Variants in ADAM23 observed in about 807,000 individuals in gnomAD.
The protein encoded by ADAM23 is disintegrin and metalloproteinase domain-containing protein 23.
Under a neutral mutation model 120.1 loss-of-function variants are expected in ADAM23, and 33 were observed. That is an observed-to-expected ratio of 0.27 (90% CI 0.21 to 0.37). ADAM23 has a LOEUF of 0.37. Ranked by LOEUF, ADAM23 falls within the 10% of genes least tolerant of loss-of-function variation. The pLI, the probability that ADAM23 is intolerant of heterozygous loss-of-function variation, is 1.00. For synonymous variants in ADAM23, 367 were observed against 375.2 expected, an observed-to-expected ratio of 0.98 and a Z score of 0.25; for missense variants, 862 against 1,058.2, an observed-to-expected ratio of 0.81 and a Z score of 2.57.
intron 25 of ADAM23, among the ~76,000 whole-genome samples, chr2:206,616,113 C>G (rs1698930958): frequency 6.6e-6 from 1 of 152,176 alleles, no homozygotes; most frequent in African/African-American, 2.4e-5. Context: ...TGTTTTTCCT[C>G]CCTGACTCAC....
chr2:206,484,119 G>T (rs1695954651), intron 3 of ADAM23, among the ~76,000 whole-genome samples: 1 of 152,208 alleles, frequency 6.6e-6, no homozygotes, highest in Non-Finnish European at 1.5e-5. Flanking sequence ...CCCAAGGGCA[G>T]AACTTAGTTT....
intron 12 of ADAM23, among the ~76,000 whole-genome samples, chr2:206,561,931 A>G (rs181164478): frequency 2.0e-5 from 3 of 152,310 alleles, no homozygotes; most frequent in African/African-American, 7.2e-5. Flanking sequence ...TTAGTTTGGT[A>G]TAAGTTGAAT....
At chr2:206,597,221 C>A (rs1242441392) in intron 24 of ADAM23, among the ~76,000 whole-genome samples, 4 of 146,182 alleles carry the variant, frequency 2.7e-5, no homozygotes, top group Middle Eastern at 7.2e-3. Context: ...ACTCTGTCGA[C>A]CAGGCTGGAG....
Position 206,468,448 on chromosome 2 carries a change from G to T in ADAM23, c.433-12784G>T, listed in dbSNP as rs1695586159. On this transcript the variant is annotated intron_variant, in intron 2 of 25. Transcript: ENST00000264377. ...GTTCAAAGTTCCATGGATCCCCAAG[G>T]CAGGGGCACAGTCCAGCCAAAGTAT... is the stretch of plus-strand genomic sequence containing the variant. Among the ~76,000 whole-genome samples the T allele has an allele frequency of 2.6e-5, 4 of 152,098 alleles. 1 individual carries two copies. In the South Asian group the frequency reaches 8.3e-4, roughly 32 times the overall value.
chr2:206,530,784 T>G (rs1697043076), intron 3 of ADAM23, 101 bp from the exon 4 acceptor site: 1 of 855,224 alleles, frequency 1.2e-6, no homozygotes, highest in Non-Finnish European at 1.8e-6. Context: ...CTGCAGCTAT[T>G]TCTGGTTTGC....
intron 24 of ADAM23, among the ~76,000 whole-genome samples, chr2:206,602,743 A>G (rs1698662970): frequency 6.6e-6 from 1 of 152,228 alleles, no homozygotes; most frequent in Admixed American, 6.5e-5. Flanking sequence ...GGAATTCTAC[A>G]TATAAAATAG....
At chr2:206,547,280 A>G (rs1423993852) in intron 6 of ADAM23, 149 bp from the exon 7 acceptor site, 5 of 544,640 alleles carry the variant, frequency 9.2e-6, no homozygotes, top group African/African-American at 1.9e-5. Context: ...TAAGATTTCA[A>G]TAAGACATAC....
intron 9 of ADAM23, among the ~76,000 whole-genome samples, chr2:206,551,853 T>C (rs1207954634): frequency 1.3e-5 from 2 of 152,244 alleles, no homozygotes; most frequent in Non-Finnish European, 2.9e-5. Flanking sequence ...CAGTTGCCTT[T>C]AAATATATTG....
At position 206,609,890 on chromosome 2, in the gene ADAM23, C is replaced by T; in HGVS notation, c.2360-20C>T. The T allele has an allele frequency of 6.3e-7, 1 of 1,590,070 alleles. No individual in the cohort carries two copies. The highest frequency in any genetic ancestry group is 8.5e-7 in the Non-Finnish European group (1 of 1,170,386). On this transcript the variant is annotated intron_variant, in intron 24 of 25. Transcript: ENST00000264377. The stretch of plus-strand genomic sequence containing the variant: ...AGTGGTTGGTTCATATGACTCTCTT[C>T]CCATGATCCTTTGTCACAGGTCCTA...
chr2:206,500,409 G>GATA (rs1253226320), intron 3 of ADAM23, among the ~76,000 whole-genome samples: 3 of 152,100 alleles, frequency 2.0e-5, no homozygotes, highest in Admixed American at 6.6e-5. Flanking sequence ...CATGATAATG[G>GATA]ATATTATGTT....
At chr2:206,498,334 A>C (rs898730883) in intron 3 of ADAM23, among the ~76,000 whole-genome samples, 3 of 152,210 alleles carry the variant, frequency 2.0e-5, no homozygotes, top group Admixed American at 2.0e-4. Flanking sequence ...CAGAGCCCTC[A>C]GAAATAATGC....
At chr2:206,562,164 C>T in intron 12 of ADAM23, 39 bp from the exon 13 acceptor site, 1 of 1,555,960 alleles carries the variant, frequency 6.4e-7, no homozygotes, top group Non-Finnish European at 8.9e-7. Flanking sequence ...TGTGCACTCT[C>T]TCAAATGTCT....
At position 206,617,643 on chromosome 2, in the gene ADAM23, T is replaced by G; in HGVS notation, c.*16T>G. On this transcript the variant is annotated 3_prime_UTR_variant, in exon 26 of 26. Transcript: ENST00000264377. The stretch of plus-strand genomic sequence containing the variant: ...CCCCATCTGAATCAGCTGCGCTGGA[T>G]GGACACCGCCTTGCACTGTTGGATT... The G allele has an allele frequency of 6.2e-7, 1 of 1,613,532 alleles. No individual in the cohort carries two copies. Among genetic ancestry groups the G allele is most frequent in the Non-Finnish European group, 8.5e-7 (1 of 1,179,742 alleles).
intron 5 of ADAM23, among the ~76,000 whole-genome samples, 167 bp from the exon 6 acceptor site, chr2:206,543,086 C>T (rs1282215870): frequency 1.3e-5 from 2 of 152,176 alleles, no homozygotes; most frequent in South Asian, 2.1e-4. Flanking sequence ...GTGCTGGGGC[C>T]ACACTGGGAC....
chr2:206,490,685 A>T (rs1297970546), intron 3 of ADAM23, among the ~76,000 whole-genome samples: 1 of 152,108 alleles, frequency 6.6e-6, no homozygotes, highest in Non-Finnish European at 1.5e-5. Context: ...GGTAGGAATG[A>T]GTTGCTATGG....
Position 206,571,789 on chromosome 2 carries a change from G to T in ADAM23, c.1629G>T (p.Gly543=), listed in dbSNP as rs370654304. The part of the protein sequence containing the change: ...SLSNGAHCSD[G]PCCNNTSCLF... Reference sequence around the variant, plus strand: ...CCAACGGGGCTCACTGCAGCGACGGGCCCTGCTGTAACAATACCTCATGTC... The same window carrying T: ...CCAACGGGGCTCACTGCAGCGACGGTCCCTGCTGTAACAATACCTCATGTC... Residue 543 remains glycine, a synonymous_variant, in exon 17 of 26, where the codon GGG becomes GGT. Transcript: ENST00000264377. 138 of 1,613,934 alleles carry T rather than the reference G, an allele frequency of 8.6e-5. No individual in the cohort carries two copies. Among genetic ancestry groups the T allele is most frequent in the Non-Finnish European group, 1.1e-4 (127 of 1,179,958 alleles).
intron 22 of ADAM23, among the ~76,000 whole-genome samples, chr2:206,592,950 A>G (rs991745138): frequency 2.0e-5 from 3 of 152,200 alleles, no homozygotes; most frequent in African/African-American, 7.2e-5. Flanking sequence ...AAATTATACT[A>G]GTTAGTAGTA....
intron 2 of ADAM23, among the ~76,000 whole-genome samples, chr2:206,447,235 C>T (rs1695100299): frequency 6.6e-6 from 1 of 152,178 alleles, no homozygotes; most frequent in Admixed American, 6.5e-5. Flanking sequence ...CTGTACCCAC[C>T]GCTTACCTAG....
At chr2:206,535,036 A>G (rs900990815) in intron 4 of ADAM23, among the ~76,000 whole-genome samples, 1 of 150,234 alleles carries the variant, frequency 6.7e-6, no homozygotes, top group Non-Finnish European at 1.5e-5. Flanking sequence ...TCTGAATTGT[A>G]CTGTGGCCAC....
Sources: allele counts gnomAD v4.1 joint callset (sites outside exome capture counted in the v4.1 genomes callset), GRCh38; gene constraint gnomAD v4.1.1; transcripts MANE v1.5; gene names NCBI Gene and HGNC (gene_info 2026-07-23, HGNC 2026-07-21).